Variants in PTPN12 observed in about 807,000 individuals in gnomAD.
The protein encoded by PTPN12 is protein tyrosine phosphatase non-receptor type 12, also known as tyrosine-protein phosphatase non-receptor type 12.
In PTPN12, 29 loss-of-function variants were observed where a neutral mutation model predicts 97.6. The observed-to-expected ratio is 0.30, with a 90% CI of 0.22 to 0.41. The LOEUF is 0.41. Among genes scored for constraint, PTPN12 ranks in the 10% least tolerant of loss-of-function variants. PTPN12 has a pLI of 1.00. For synonymous variants in PTPN12, 327 were observed against 300.4 expected, an observed-to-expected ratio of 1.09 and a Z score of -0.91; for missense variants, 819 against 926.0, an observed-to-expected ratio of 0.88 and a Z score of 1.50.
At chr7:77,583,111 T>C (rs532926420) in intron 3 of PTPN12, among the ~76,000 whole-genome samples, 2 of 152,324 alleles carry the variant, frequency 1.3e-5, no homozygotes, top group South Asian at 4.1e-4. Flanking sequence ...ACCTGTATAG[T>C]AGATGCTTGA....
At chr7:77,583,487 A>T in intron 3 of PTPN12, 68 bp from the exon 4 acceptor site, 2 of 966,016 alleles carry the variant, frequency 2.1e-6, no homozygotes, top group East Asian at 2.4e-5. Flanking sequence ...TTGAAACCTT[A>T]TATTTTGGGT....
chr7:77,610,657 G>C, intron 9 of PTPN12, 108 bp from the exon 10 acceptor site: 2 of 1,148,340 alleles, frequency 1.7e-6, no homozygotes, highest in Non-Finnish European at 2.5e-6. Context: ...TTCAATAAAT[G>C]TTTGCAGTAA....
At chr7:77,611,138 T>A (rs1788555933) in intron 11 of PTPN12, 92 bp downstream of exon 11, 3 of 963,910 alleles carry the variant, frequency 3.1e-6, no homozygotes, top group Non-Finnish European at 4.8e-6. Flanking sequence ...GTGTTTTGTC[T>A]AACATGAGAA....
At chr7:77,619,546 G>C (rs1180690774) in intron 12 of PTPN12, among the ~76,000 whole-genome samples, 1 of 152,170 alleles carries the variant, frequency 6.6e-6, no homozygotes, top group Non-Finnish European at 1.5e-5. Flanking sequence ...AAGCTGCTGA[G>C]TACAGAAAGA....
intron 8 of PTPN12, among the ~76,000 whole-genome samples, chr7:77,601,422 C>T (rs552323594): frequency 1.2e-4 from 19 of 152,108 alleles, no homozygotes; most frequent in Admixed American, 7.2e-4. Context: ...CAGGCTGATC[C>T]GAACTCCTGT....
intron 1 of PTPN12, among the ~76,000 whole-genome samples, chr7:77,540,403 A>C (rs527904585): frequency 6.6e-6 from 1 of 151,536 alleles, no homozygotes; most frequent in African/African-American, 2.4e-5. Flanking sequence ...ACGCCTGGCT[A>C]ATTTTTGTAT....
intron 1 of PTPN12, among the ~76,000 whole-genome samples, chr7:77,552,794 G>A (rs1807537286): frequency 6.6e-6 from 1 of 152,088 alleles, no homozygotes. Flanking sequence ...TATTAGACCT[G>A]GCCATTACTT....
Position 77,583,000 on chromosome 7 carries a change from T to C in PTPN12, c.286-555T>C, listed in dbSNP as rs887388848. ...TGTTAAAAGTTATAGTTTTTACTTA[T>C]GCTTAATGACACTGATTCATTGTAT... On this transcript the variant is annotated intron_variant, in intron 3 of 17. Coordinates refer to ENST00000248594, the MANE Select transcript of PTPN12 (RefSeq NM_002835.4). Among the ~76,000 whole-genome samples the C allele has an allele frequency of 7.9e-5, 12 of 152,324 alleles. No homozygotes were observed. In the East Asian group the frequency reaches 1.9e-3, roughly 24 times the overall value.
chr7:77,552,142 A>G (rs923984886), intron 1 of PTPN12, among the ~76,000 whole-genome samples: 3 of 152,230 alleles, frequency 2.0e-5, no homozygotes, highest in African/African-American at 7.2e-5. Context: ...TAAGAAACAG[A>G]GTCTGTCTCT....
At chr7:77,561,139 T>G (rs1454950860) in intron 1 of PTPN12, among the ~76,000 whole-genome samples, 2 of 152,212 alleles carry the variant, frequency 1.3e-5, no homozygotes, top group Non-Finnish European at 2.9e-5. Context: ...CAGACTGGTC[T>G]TGAACTCCTC....
chr7:77,548,647 C>T (rs548943531), intron 1 of PTPN12, among the ~76,000 whole-genome samples: 1 of 152,268 alleles, frequency 6.6e-6, no homozygotes, highest in East Asian at 1.9e-4. Context: ...AATAAAGCCC[C>T]ACTTCCTACC....
intron 9 of PTPN12, among the ~76,000 whole-genome samples, chr7:77,609,754 G>T (rs1179202969): frequency 2.6e-5 from 4 of 151,816 alleles, no homozygotes; most frequent in East Asian, 1.9e-4. Flanking sequence ...AGTGGCGGGG[G>T]CCTGTAGTCC....
chr7:77,555,582 A>G (rs1461099606), intron 1 of PTPN12, among the ~76,000 whole-genome samples: 1 of 152,142 alleles, frequency 6.6e-6, no homozygotes, highest in Non-Finnish European at 1.5e-5. Flanking sequence ...CCCACCAACA[A>G]CATTCTTCAT....
At chr7:77,547,077 T>C (rs1356664259) in intron 1 of PTPN12, among the ~76,000 whole-genome samples, 2 of 152,226 alleles carry the variant, frequency 1.3e-5, no homozygotes, top group Non-Finnish European at 2.9e-5. Context: ...AAAGCTATTT[T>C]AACAACATTT....
chr7:77,618,794 T>C (rs1788839274), intron 12 of PTPN12, among the ~76,000 whole-genome samples: 1 of 152,232 alleles, frequency 6.6e-6, no homozygotes, highest in Non-Finnish European at 1.5e-5. Context: ...GATACTACCA[T>C]GAATTGACTA....
chr7:77,625,552 TCGCTCTC>T lies in PTPN12; in HGVS notation c.1026-1152_1026-1146del, dbSNP rs1789140219. ...CTCACTCTCACTCGCGCTCTCTCTC[TCGCTCTC>T]TCTCTCTTTTTTTTTTTTTTTTTTT... On this transcript the variant is annotated intron_variant, in intron 12 of 17. Transcript: ENST00000248594. Among the ~76,000 whole-genome samples the T allele has an allele frequency of 2.5e-5, 2 of 78,590 alleles. 1 individual carries two copies. The highest frequency in any genetic ancestry group is 1.3e-4 in the African/African-American group (2 of 15,744). 51.6% of individuals were successfully genotyped at this position (78,590 alleles called of 152,430 possible).
chr7:77,637,134 A>G, intron 16 of PTPN12, 86 bp downstream of exon 16: 1 of 1,076,724 alleles, frequency 9.3e-7, no homozygotes, highest in Non-Finnish European at 1.4e-6. Context: ...AGTTCATGCT[A>G]TATAGTTATT....
intron 1 of PTPN12, among the ~76,000 whole-genome samples, chr7:77,559,156 G>T (rs528188670): frequency 6.6e-6 from 1 of 152,244 alleles, no homozygotes; most frequent in South Asian, 2.1e-4. Context: ...TTTCTAATGC[G>T]CTTCCCTTGT....
chr7:77,589,856 A>G (rs1787810083), intron 5 of PTPN12, among the ~76,000 whole-genome samples: 1 of 152,202 alleles, frequency 6.6e-6, no homozygotes, highest in Non-Finnish European at 1.5e-5. Flanking sequence ...TCTTTTCATT[A>G]TATTAGTAAG....
Sources: allele counts gnomAD v4.1 joint callset (sites outside exome capture counted in the v4.1 genomes callset), GRCh38; gene constraint gnomAD v4.1.1; transcripts MANE v1.5; gene names NCBI Gene and HGNC (gene_info 2026-07-23, HGNC 2026-07-21).